The following GNPAT variants were observed in gnomAD, a reference collection of about 807,000 sequenced individuals.
GNPAT encodes the protein glyceronephosphate O-acyltransferase, also known as dihydroxyacetone phosphate acyltransferase.
Under a neutral mutation model 78.4 loss-of-function variants are expected in GNPAT, and 30 were observed. The ratio of observed to expected loss-of-function variants is 0.38; its 90% CI spans 0.29 to 0.52. GNPAT has a LOEUF of 0.52. GNPAT is among the 20% of genes least tolerant of loss of function. The probability of loss-of-function intolerance (pLI) is 0.84; values close to 1 mark genes in which losing one functional copy is unlikely to be tolerated. For synonymous variants in GNPAT, 271 were observed against 281.1 expected, an observed-to-expected ratio of 0.96 and a Z score of 0.36; for missense variants, 714 against 812.2, an observed-to-expected ratio of 0.88 and a Z score of 1.47.
At chr1:231,253,802 T>C (rs1406867807) in intron 2 of GNPAT, among the ~76,000 whole-genome samples, 1 of 152,248 alleles carries the variant, frequency 6.6e-6, no homozygotes, top group Non-Finnish European at 1.5e-5. Context: ...CACTGCCGTA[T>C]TCCCAGTGCC....
chr1:231,275,516 T>A lies in GNPAT; in HGVS notation c.1937+18T>A, dbSNP rs1422424616. 1 of 1,343,458 alleles carries A rather than the reference T, an allele frequency of 7.4e-7. No homozygotes were observed. The highest frequency in any genetic ancestry group is 1.1e-6 in the Non-Finnish European group (1 of 932,692). The allele number at this position is 1,343,458 out of a possible 1,614,324, so 83.2% of individuals were successfully genotyped here. ...AAGAAGATGTAAGTACTGTACAAGATCCCATGAGTGCTCAAGGAACAAGGA... is the reference window on the plus strand; with the variant it reads ...AAGAAGATGTAAGTACTGTACAAGAACCCATGAGTGCTCAAGGAACAAGGA... On this transcript the variant is annotated intron_variant, in intron 14 of 15. Coordinates refer to ENST00000366647, the MANE Select transcript of GNPAT (RefSeq NM_014236.4).
intron 1 of GNPAT, among the ~76,000 whole-genome samples, chr1:231,245,681 A>G (rs1358164685): frequency 1.3e-5 from 2 of 152,264 alleles, no homozygotes; most frequent in Non-Finnish European, 2.9e-5. Flanking sequence ...ATTATTAAAA[A>G]TTAAATAGCC....
chr1:231,262,807 C>G lies in GNPAT; in HGVS notation c.523C>G (p.Leu175Val). 6.2e-7 allele frequency: 1 copy of G among 1,609,756 alleles called. No individual in the cohort carries two copies. The highest frequency in any genetic ancestry group is 8.5e-7 in the Non-Finnish European group (1 of 1,176,060). Reference sequence around the variant, plus strand: ...TGACTTCCTCATGTTGTCTTTTCTTCTATACAATTATGATTTGCCTGTGCC... The same window carrying G: ...TGACTTCCTCATGTTGTCTTTTCTTGTATACAATTATGATTTGCCTGTGCC... The part of the protein sequence containing the change: ...YIDFLMLSFL[L>V]YNYDLPVPVI... Residue 175 changes from leucine (L) to valine (V), a missense_variant, in exon 4 of 16, where the codon CTA becomes GTA. By Grantham distance (32) the Leu-to-Val change is conservative. Coordinates refer to ENST00000366647, the MANE Select transcript of GNPAT (RefSeq NM_014236.4).
At position 231,241,453 on chromosome 1, in the gene GNPAT, C is replaced by A; in HGVS notation, c.75C>A (p.Tyr25Ter). 6.2e-7 allele frequency: 1 copy of A among 1,609,404 alleles called. No individual in the cohort carries two copies. The highest frequency in any genetic ancestry group is 8.5e-7 in the Non-Finnish European group (1 of 1,175,806). The change falls in exon 1 of 16, where the codon TAC becomes TAA. Residue 25 changes from tyrosine (Y) to a stop codon, truncating the protein, a stop_gained. Coordinates refer to ENST00000366647, the MANE Select transcript of GNPAT (RefSeq NM_014236.4). LOFTEE classifies it high-confidence loss of function. ...GTCCCAGCGCTGTCGTGCTCCTCTA[C>A]TCGGTAGGCGCCCAGGGAAAAGAGG... ...PTSPSAVVLL[Y>*]SKELKKWDEF...
chr1:231,257,437 G>A (rs775724868), intron 2 of GNPAT, among the ~76,000 whole-genome samples: 6 of 152,048 alleles, frequency 3.9e-5, no homozygotes, highest in East Asian at 1.9e-4. Context: ...GATCTCCAAC[G>A]GGCCCCTTCA....
intron 1 of GNPAT, among the ~76,000 whole-genome samples, chr1:231,249,104 T>C (rs1408227290): frequency 1.3e-5 from 2 of 152,240 alleles, no homozygotes; most frequent in Non-Finnish European, 2.9e-5. Context: ...TTCTTGTTTT[T>C]AAGCCCTAAA....
chr1:231,267,919 A>G lies in GNPAT; in HGVS notation c.1279+16A>G. ...ATTTGGCCTGGTATGTAGGTAGGAC[A>G]TATGTGTTGAGAATGCTTGCTTAAT... On this transcript the variant is annotated intron_variant, in intron 9 of 15. Transcript: ENST00000366647. 7.0e-7 allele frequency: 1 copy of G among 1,422,400 alleles called. No individual in the cohort carries two copies. Among genetic ancestry groups the G allele is most frequent in the Non-Finnish European group, 1.0e-6 (1 of 1,004,808 alleles). The allele number at this position is 1,422,400 out of a possible 1,614,324, so 88.1% of individuals were successfully genotyped here.
chr1:231,252,349 A>G (rs901831112), intron 2 of GNPAT, among the ~76,000 whole-genome samples: 1 of 152,222 alleles, frequency 6.6e-6, no homozygotes. Context: ...AGGGAACTTA[A>G]GAGGGAACCA....
intron 2 of GNPAT, among the ~76,000 whole-genome samples, chr1:231,255,911 C>G (rs1685042579): frequency 6.6e-6 from 1 of 152,242 alleles, no homozygotes; most frequent in East Asian, 1.9e-4. Flanking sequence ...GGCTCTTGCT[C>G]TTTCTCCTTT....
At chr1:231,241,661 G>A (rs1684610148) in intron 1 of GNPAT, among the ~76,000 whole-genome samples, 1 of 152,230 alleles carries the variant, frequency 6.6e-6, no homozygotes, top group Non-Finnish European at 1.5e-5. Context: ...AAGTTTCTAC[G>A]GATTATGGTT....
In GNPAT at chr1:231,273,903, GCTTCCT is replaced by G. The variant is rs1685635905; in HGVS notation, c.1603-13_1603-8del. On this transcript the variant is annotated splice_polypyrimidine_tract_variant and intron_variant, in intron 11 of 15. Transcript: ENST00000366647. ...CCCATTAACCTAGATGAACATTATG[GCTTCCT>G]CTTCCCTTCTAGGACTTTGAAGAAG... The G allele has an allele frequency of 5.6e-6, 9 of 1,608,486 alleles. No homozygotes were observed. Among genetic ancestry groups the G allele is most frequent in the Non-Finnish European group, 7.7e-6 (9 of 1,175,330 alleles).
rs116326926 is a variant in GNPAT at position 231,247,355 on chromosome 1, C to G, written c.79-3606C>G. On this transcript the variant is annotated intron_variant, in intron 1 of 15. Coordinates refer to ENST00000366647, the MANE Select transcript of GNPAT (RefSeq NM_014236.4). ...TGGGAGTACAGAAATGTATAGGACA[C>G]CTTATCTACCAGATAAGAAGTTCAC... 1.3e-3 allele frequency among the ~76,000 whole-genome samples: 193 copies of G among 152,190 alleles called. 1 individual carries two copies. The highest frequency in any genetic ancestry group is 4.4e-3 in the African/African-American group (183 of 41,526).
At chr1:231,247,113 C>T (rs561968501) in intron 1 of GNPAT, among the ~76,000 whole-genome samples, 2 of 152,004 alleles carry the variant, frequency 1.3e-5, no homozygotes, top group East Asian at 3.9e-4. Context: ...TTGCAGTGAG[C>T]TGAGATCGTG....
At chr1:231,274,272 C>A (rs2102827146) in intron 12 of GNPAT, among the ~76,000 whole-genome samples, 1 of 152,220 alleles carries the variant, frequency 6.6e-6, no homozygotes, top group East Asian at 1.9e-4. Context: ...CATTACAGAC[C>A]CAAGAGGACA....
At chr1:231,272,924 A>G (rs2102825629) in intron 11 of GNPAT, among the ~76,000 whole-genome samples, 1 of 152,278 alleles carries the variant, frequency 6.6e-6, no homozygotes, top group South Asian at 2.1e-4. Context: ...GCTGTGAGCC[A>G]AGATTGTGCC....
chr1:231,246,856 A>G (rs1291491705), intron 1 of GNPAT, among the ~76,000 whole-genome samples: 1 of 152,196 alleles, frequency 6.6e-6, no homozygotes, highest in African/African-American at 2.4e-5. Context: ...GGTTATTTTA[A>G]TGTGCAGCCT....
intron 2 of GNPAT, among the ~76,000 whole-genome samples, chr1:231,258,514 G>A (rs143546510): frequency 1.3e-5 from 2 of 151,760 alleles, no homozygotes; most frequent in East Asian, 3.9e-4. Context: ...TCTCTCAGGG[G>A]ACTTCTTCTA....
At chr1:231,243,890 A>G (rs1312218202) in intron 1 of GNPAT, among the ~76,000 whole-genome samples, 1 of 152,028 alleles carries the variant, frequency 6.6e-6, no homozygotes, top group Non-Finnish European at 1.5e-5. Flanking sequence ...ATACACATAT[A>G]TATATAAATA....
chr1:231,266,152 A>G lies in GNPAT; in HGVS notation c.911A>G (p.Lys304Arg). 6.2e-7 allele frequency: 1 copy of G among 1,613,590 alleles called. No individual in the cohort carries two copies. The highest frequency in any genetic ancestry group is 8.5e-7 in the Non-Finnish European group (1 of 1,179,642). Residue 304 changes from lysine (K) to arginine (R), a missense_variant, in exon 7 of 16, where the codon AAA (lysine) becomes AGA (arginine). Coordinates refer to ENST00000366647, the MANE Select transcript of GNPAT (RefSeq NM_014236.4). ...VYELLGVPKP[K>R]ESTTGLLKAR... ...GAGCTTCTAGGGGTTCCTAAACCAA[A>G]AGAGTCTACAACTGTACGTGAGCTT...
Sources: gnomAD v4.1 joint callset for allele counts (sites outside exome capture counted in the v4.1 genomes callset) on GRCh38, gnomAD v4.1.1 for gene constraint, MANE v1.5 for transcripts, NCBI Gene and HGNC (gene_info 2026-07-23, HGNC 2026-07-21) for gene names.